The following INPP5F variants were observed in gnomAD, a reference collection of about 807,000 sequenced individuals.
The protein encoded by INPP5F is phosphatidylinositide 4-phosphatase SAC2.
Under a neutral mutation model 137.2 loss-of-function variants are expected in INPP5F, and 97 were observed. The ratio of observed to expected loss-of-function variants is 0.71; its 90% CI spans 0.60 to 0.84. The LOEUF (loss-of-function observed/expected upper bound fraction) is 0.84, where lower values mean the gene tolerates loss of function less well. INPP5F is among the 40% of genes least tolerant of loss of function. The probability of loss-of-function intolerance (pLI) is 0.00; values close to 1 mark genes in which losing one functional copy is unlikely to be tolerated. For synonymous variants in INPP5F, 504 were observed against 476.9 expected (o/e 1.06, Z -0.74); for missense variants, 1,271 against 1,371.9 (o/e 0.93, Z 1.16).
intron 6 of INPP5F, among the ~76,000 whole-genome samples, chr10:119,794,406 C>T (rs1481969066): frequency 1.3e-5 from 2 of 152,190 alleles, no homozygotes; most frequent in African/African-American, 4.8e-5. Flanking sequence ...TGAAAAGTCT[C>T]CCACGTCTAC....
intron 2 of INPP5F, among the ~76,000 whole-genome samples, chr10:119,772,940 G>T (rs899413215): frequency 6.6e-6 from 1 of 151,940 alleles, no homozygotes; most frequent in Non-Finnish European, 1.5e-5. Context: ...AATAGAGATG[G>T]GGTTTCACTG....
At chr10:119,816,456 C>T (rs1564850289) in intron 15 of INPP5F, 1 of 152,130 alleles carries the variant, frequency 6.6e-6, no homozygotes, top group Non-Finnish European at 1.5e-5. Context: ...ATGTCTTTGT[C>T]TTGTGGGTGT....
chr10:119,763,016 C>G (rs1407150413), intron 2 of INPP5F, among the ~76,000 whole-genome samples: 1 of 152,196 alleles, frequency 6.6e-6, no homozygotes, highest in Non-Finnish European at 1.5e-5. Context: ...AGGCAAATTG[C>G]TCTTCAGCTG....
chr10:119,750,903 C>T (rs1257516783), intron 1 of INPP5F, among the ~76,000 whole-genome samples, 173 bp from the exon 2 acceptor site: 2 of 152,216 alleles, frequency 1.3e-5, no homozygotes, highest in East Asian at 1.9e-4. Context: ...AAGCCTTATT[C>T]AGGCCTCACA....
intron 9 of INPP5F, among the ~76,000 whole-genome samples, chr10:119,803,454 T>C (rs1341492737): frequency 6.6e-6 from 1 of 152,224 alleles, no homozygotes; most frequent in Admixed American, 6.5e-5. Context: ...TTTACATAGG[T>C]CTGCTTCTGG....
At chr10:119,740,834 C>T (rs750286668) in intron 1 of INPP5F, among the ~76,000 whole-genome samples, 24 of 152,326 alleles carry the variant, frequency 1.6e-4, no homozygotes, top group South Asian at 8.3e-4. Flanking sequence ...AGCCACTGTG[C>T]CCGGCCCCAT....
At position 119,797,470 on chromosome 10, in the gene INPP5F, A is replaced by G. The variant is rs1368983359; in HGVS notation, c.878A>G (p.Tyr293Cys). The G allele has an allele frequency of 2.5e-6, 4 of 1,607,130 alleles. No individual in the cohort carries two copies. Among genetic ancestry groups the G allele is most frequent in the Non-Finnish European group, 3.4e-6 (4 of 1,176,490 alleles). ...RRSRHRAGMR[Y>C]KRRGVDKNGN... Reference sequence around the variant, plus strand: ...TTTAATTTTCTTTCAGGAATGCGCTATAAACGAAGAGGAGTGGATAAAAAT... The same window carrying G: ...TTTAATTTTCTTTCAGGAATGCGCTGTAAACGAAGAGGAGTGGATAAAAAT... The change falls in exon 8 of 20, where the codon TAT (tyrosine) becomes TGT (cysteine). Residue 293 changes from tyrosine (Y) to cysteine (C), a missense_variant. Physicochemically the swap from Tyr to Cys is radical, Grantham distance 194. Around this residue, in one of 6 missense-constraint regions of INPP5F, gnomAD observed 593 missense variants for 712.4 expected, o/e 0.83. Coordinates refer to ENST00000650623, the MANE Select transcript of INPP5F (RefSeq NM_014937.4).
At chr10:119,772,055 G>A (rs1052541724) in intron 2 of INPP5F, among the ~76,000 whole-genome samples, 2 of 150,256 alleles carry the variant, frequency 1.3e-5, no homozygotes, top group African/African-American at 2.5e-5. Flanking sequence ...CCGCCACCAC[G>A]CCGGGCTAAT....
chr10:119,777,195 C>T lies in INPP5F; in HGVS notation c.179-4440C>T, dbSNP rs566530385. Among the ~76,000 whole-genome samples, 5 of 152,246 alleles carry T rather than the reference C, an allele frequency of 3.3e-5. No individual in the cohort carries two copies. In the South Asian group the frequency reaches 6.2e-4, roughly 19 times the overall value. On this transcript the variant is annotated intron_variant, in intron 2 of 19. Coordinates refer to ENST00000650623, the MANE Select transcript of INPP5F (RefSeq NM_014937.4). The stretch of plus-strand genomic sequence containing the variant: ...CAGGGATGACCCACCATGCCTGGCC[C>T]AACTCTAAATTGTTCACTGTAGGAT...
rs1287690887 is a variant in INPP5F at position 119,827,080 on chromosome 10, G to T, written c.2699G>T (p.Arg900Leu). 2.5e-6 allele frequency: 4 copies of T among 1,613,982 alleles called. No homozygotes were observed. Among genetic ancestry groups the T allele is most frequent in the African/African-American group, 1.3e-5 (1 of 74,880 alleles). The change falls in exon 20 of 20, where the codon CGA (arginine) becomes CTA (leucine). Residue 900 changes from arginine to leucine, a missense_variant. Transcript: ENST00000650623. ...PSCGIIASAP[R>L]LGSRSQSLSS... is the part of the protein sequence containing the mutation. ...TGTGGTATTATTGCCTCAGCGCCTC[G>T]ATTGGGCAGTCGGTCCCAGTCTCTT...
chr10:119,746,660 A>T (rs1848542380), intron 1 of INPP5F, among the ~76,000 whole-genome samples: 1 of 152,250 alleles, frequency 6.6e-6, no homozygotes, highest in Non-Finnish European at 1.5e-5. Context: ...ATATTTGCAA[A>T]CATGTCAAAG....
At chr10:119,752,984 A>G (rs1848731723) in intron 2 of INPP5F, among the ~76,000 whole-genome samples, 1 of 148,558 alleles carries the variant, frequency 6.7e-6, no homozygotes, top group South Asian at 2.1e-4. Flanking sequence ...TAATACTGCT[A>G]TGAGCATTGT....
intron 2 of INPP5F, among the ~76,000 whole-genome samples, chr10:119,779,018 C>CCT (rs1280706659): frequency 1.5e-4 from 23 of 152,138 alleles, no homozygotes; most frequent in African/African-American, 5.6e-4. Flanking sequence ...TTCCCATCCC[C>CCT]CTCTTCTCTG....
At chr10:119,820,024 G>T (rs117481439) in intron 15 of INPP5F, among the ~76,000 whole-genome samples, 1 of 152,206 alleles carries the variant, frequency 6.6e-6, no homozygotes, top group African/African-American at 2.4e-5. Flanking sequence ...GCATAAGAAT[G>T]CAGAAACATC....
In INPP5F at chr10:119,806,401, T is replaced by C; in HGVS notation, c.1361T>C (p.Phe454Ser). The change falls in exon 12 of 20, where the codon TTT becomes TCT. Residue 454 changes from phenylalanine (F) to serine (S), a missense_variant. Physicochemically the swap from Phe to Ser is radical, Grantham distance 155. This residue lies in a region of INPP5F where 593 missense variants were observed against 712.4 expected (regional missense o/e 0.83). Transcript: ENST00000650623. ...AGVICKQEGI[F>S]RVNCMDCLDR... ...GTAATATGTAAGCAGGAAGGGATTT[T>C]TCGTGTTAATTGTATGGACTGCCTG... The C allele has an allele frequency of 6.2e-7, 1 of 1,604,500 alleles. No homozygotes were observed.
chr10:119,810,347 C>A, intron 14 of INPP5F, 130 bp downstream of exon 14: 6 of 501,850 alleles, frequency 1.2e-5, no homozygotes, highest in Non-Finnish European at 1.8e-5. Flanking sequence ...AGCATCTTAC[C>A]CAATATATCA....
chr10:119,740,668 G>A (rs565350206), intron 1 of INPP5F, among the ~76,000 whole-genome samples: 1 of 152,132 alleles, frequency 6.6e-6, no homozygotes, highest in African/African-American at 2.4e-5. Context: ...TCAGCCTTCC[G>A]AGTAGCTGGG....
At chr10:119,792,824 G>A (rs1281318575) in intron 6 of INPP5F, among the ~76,000 whole-genome samples, 1 of 152,180 alleles carries the variant, frequency 6.6e-6, no homozygotes, top group Non-Finnish European at 1.5e-5. Context: ...GGCCTGTTAT[G>A]TGCCACTTGT....
chr10:119,751,221 T>C (rs768512616), intron 2 of INPP5F, 65 bp downstream of exon 2: 2 of 974,854 alleles, frequency 2.1e-6, no homozygotes, highest in Admixed American at 3.4e-5. Flanking sequence ...GTTTTCCTCT[T>C]TGAGGATACA....
Sources: gnomAD v4.1 joint callset for allele counts (sites outside exome capture counted in the v4.1 genomes callset) on GRCh38, gnomAD v4.1.1 for gene constraint, gnomAD v4.1.1 regional missense constraint, MANE v1.5 for transcripts, NCBI Gene and HGNC (gene_info 2026-07-23, HGNC 2026-07-21) for gene names.